The following ITPK1 variants were observed in gnomAD, a reference collection of about 807,000 sequenced individuals.
ITPK1 encodes the protein inositol-tetrakisphosphate 1-kinase, also known as inositol 1,3,4-trisphosphate 5/6-kinase.
ITPK1 carries 21 observed loss-of-function variants against 45.3 expected under a neutral mutation model. The ratio of observed to expected loss-of-function variants is 0.46; its 90% confidence interval spans 0.33 to 0.67. ITPK1 has a LOEUF of 0.67. ITPK1 is among the 30% of genes least tolerant of loss of function. The pLI is 0.02. For synonymous variants in ITPK1, 258 were observed against 253.6 expected (o/e 1.02, Z -0.16); for missense variants, 474 against 573.5 (o/e 0.83, Z 1.77).
chr14:93,039,618 C>T (rs1167266193), intron 3 of ITPK1, among the ~76,000 whole-genome samples: 2 of 152,222 alleles, frequency 1.3e-5, no homozygotes, highest in African/African-American at 4.8e-5. Context: ...TCTGACTGGT[C>T]ACTTAAACCC....
chr14:92,938,553 C>T lies in ITPK1; in HGVS notation c.*3008G>A, dbSNP rs201006858. On this transcript the variant is annotated 3_prime_UTR_variant, in exon 11 of 11. Coordinates refer to ENST00000267615, the MANE Select transcript of ITPK1 (RefSeq NM_014216.6). The stretch of plus-strand genomic sequence containing the variant: ...TGGGTACAGAGAGGAATGTTTTTCC[C>T]AGGTTGCTTTCTCCTTTATTGACAG... 6.2e-7 allele frequency: 1 copy of T among 1,604,866 alleles called. No homozygotes were observed. The highest frequency in any genetic ancestry group is 8.5e-7 in the Non-Finnish European group (1 of 1,171,908).
In ITPK1 at chr14:93,004,932, T is replaced by C. The variant is rs1324349015; in HGVS notation, c.247-10935A>G. Among the ~76,000 whole-genome samples, 7 of 151,828 alleles carry C rather than the reference T, an allele frequency of 4.6e-5. No individual in the cohort carries two copies. The East Asian group carries it at 1.4e-3, about 29-fold the overall frequency. On this transcript the variant is annotated intron_variant, in intron 4 of 10. Coordinates refer to ENST00000267615, the MANE Select transcript of ITPK1 (RefSeq NM_014216.6). ...GTCTGGGGTGAGGGAGTCCAGCACA[T>C]TCACGGGCCTGCTGGGGGCCTGGCA...
intron 3 of ITPK1, among the ~76,000 whole-genome samples, chr14:93,072,796 C>G (rs1211655304): frequency 1.3e-5 from 2 of 152,074 alleles, no homozygotes; most frequent in Non-Finnish European, 2.9e-5. Context: ...GGGGGGGAAC[C>G]CTCAGACGAG....
At chr14:93,053,145 T>G (rs1351713733) in intron 3 of ITPK1, among the ~76,000 whole-genome samples, 1 of 151,288 alleles carries the variant, frequency 6.6e-6, no homozygotes, top group Non-Finnish European at 1.5e-5. Flanking sequence ...AAAAATAAAA[T>G]AAAAAATAAT....
At chr14:92,951,262 G>A (rs1452754145) in intron 9 of ITPK1, among the ~76,000 whole-genome samples, 1 of 152,260 alleles carries the variant, frequency 6.6e-6, no homozygotes, top group Non-Finnish European at 1.5e-5. Context: ...TTGGGGTCAG[G>A]TGCTCAGGAA....
chr14:93,084,285 T>C (rs1355636366), intron 2 of ITPK1, among the ~76,000 whole-genome samples: 1 of 152,232 alleles, frequency 6.6e-6, no homozygotes, highest in Admixed American at 6.5e-5. Context: ...GGTTCCCAAC[T>C]ATGGGCAACT....
intron 2 of ITPK1, among the ~76,000 whole-genome samples, chr14:93,078,968 G>T (rs773650420): frequency 6.6e-6 from 1 of 152,054 alleles, no homozygotes; most frequent in African/African-American, 2.4e-5. Context: ...TGACAGAGGA[G>T]CGCAGACTTC....
chr14:93,008,356 G>T (rs1887722213), intron 4 of ITPK1, among the ~76,000 whole-genome samples: 1 of 151,762 alleles, frequency 6.6e-6, no homozygotes, highest in African/African-American at 2.4e-5. Flanking sequence ...GCGTCCACCA[G>T]GTCTTATTCA....
At chr14:92,985,767 A>G (rs777554973) in intron 5 of ITPK1, among the ~76,000 whole-genome samples, 1 of 152,098 alleles carries the variant, frequency 6.6e-6, no homozygotes, top group Non-Finnish European at 1.5e-5. Flanking sequence ...TGAGAAACAC[A>G]GGACTCACAG....
intron 3 of ITPK1, among the ~76,000 whole-genome samples, chr14:93,040,988 G>A (rs995572233): frequency 6.6e-6 from 1 of 152,204 alleles, no homozygotes; most frequent in African/African-American, 2.4e-5. Context: ...TCTATGCACT[G>A]AGCTCAGAGC....
Position 92,946,464 on chromosome 14 carries a change from C to G in ITPK1, c.768G>C (p.Arg256=). 2 of 1,612,832 alleles carry G rather than the reference C, an allele frequency of 1.2e-6. No homozygotes were observed. Among genetic ancestry groups the G allele is most frequent in the Non-Finnish European group, 1.7e-6 (2 of 1,179,908 alleles). ...ELDKIEGVFE[R]PSDEVIRELS... is the part of the protein sequence containing the mutation. ...GCTCCCGGATGACCTCGTCGCTCGG[C>G]CGCTCGAACACGCCCTCGATCTTGT... Residue 256 remains arginine (R), a synonymous_variant, in exon 10 of 11, where the codon CGG becomes CGC. Coordinates refer to ENST00000267615, the MANE Select transcript of ITPK1 (RefSeq NM_014216.6).
chr14:92,953,331 G>T (rs371442955), intron 8 of ITPK1, among the ~76,000 whole-genome samples: 8 of 152,250 alleles, frequency 5.3e-5, no homozygotes, highest in Admixed American at 3.9e-4. Context: ...ACCAGAGCCA[G>T]TCCAGACGGG....
At chr14:92,962,093 G>C (rs1489816957) in intron 7 of ITPK1, among the ~76,000 whole-genome samples, 2 of 152,230 alleles carry the variant, frequency 1.3e-5, no homozygotes, top group Non-Finnish European at 2.9e-5. Flanking sequence ...GCTCCACAGA[G>C]GACAGGTGGG....
At position 93,000,082 on chromosome 14, in the gene ITPK1, G is replaced by A. The variant is rs570461314; in HGVS notation, c.247-6085C>T. Among the ~76,000 whole-genome samples the A allele has an allele frequency of 3.5e-4, 54 of 152,286 alleles. 1 individual carries two copies. Among genetic ancestry groups the A allele is most frequent in the African/African-American group, 1.1e-3 (46 of 41,556 alleles). ...ATGTTGCAGCGTGCGGCAGTGCTTT[G>A]TTCTTCTTTAAGATGAAATAGTACT... On this transcript the variant is annotated intron_variant, in intron 4 of 10. Coordinates refer to ENST00000267615, the MANE Select transcript of ITPK1 (RefSeq NM_014216.6).
intron 5 of ITPK1, among the ~76,000 whole-genome samples, chr14:92,970,745 G>T (rs1885606359): frequency 6.6e-6 from 1 of 151,684 alleles, no homozygotes; most frequent in Non-Finnish European, 1.5e-5. Context: ...ACAACATTCT[G>T]CCTCAGCCTC....
chr14:93,112,782 G>A (rs576792064), intron 2 of ITPK1, among the ~76,000 whole-genome samples: 1 of 152,190 alleles, frequency 6.6e-6, no homozygotes, highest in African/African-American at 2.4e-5. Context: ...TTTCATTAGG[G>A]AATTCATAGA....
intron 2 of ITPK1, among the ~76,000 whole-genome samples, chr14:93,084,236 G>A (rs1044936928): frequency 2.0e-5 from 3 of 152,382 alleles, no homozygotes; most frequent in Middle Eastern, 3.4e-3. Flanking sequence ...CTGGGAACCA[G>A]AAAGAAACAA....
At chr14:93,018,127 G>C (rs144551978) in intron 3 of ITPK1, among the ~76,000 whole-genome samples, 1 of 152,088 alleles carries the variant, frequency 6.6e-6, no homozygotes, top group Non-Finnish European at 1.5e-5. Context: ...TGGCCAAGTC[G>C]GGCCAACTGG....
chr14:93,095,523 T>C (rs1422575128), intron 2 of ITPK1, among the ~76,000 whole-genome samples: 4 of 137,364 alleles, frequency 2.9e-5, no homozygotes, highest in African/African-American at 9.1e-5. Context: ...CAGTCACACT[T>C]ATCAGCACCA....
Sources: gnomAD v4.1 joint callset for allele counts (sites outside exome capture counted in the v4.1 genomes callset) on GRCh38, gnomAD v4.1.1 for gene constraint, MANE v1.5 for transcripts, NCBI Gene and HGNC (gene_info 2026-07-23, HGNC 2026-07-21) for gene names.